Variants in BAIAP2 observed in about 807,000 individuals in gnomAD.
The protein encoded by BAIAP2 is BAR/IMD domain-containing adapter protein 2.
Under a neutral mutation model 63.0 loss-of-function variants are expected in BAIAP2, and 18 were observed. The observed-to-expected ratio is 0.29, with a 90% confidence interval of 0.20 to 0.42. The LOEUF is 0.42. BAIAP2 is among the 10% of genes least tolerant of loss of function. The pLI, the probability that BAIAP2 is intolerant of heterozygous loss-of-function variation, is 1.00. For missense variants in BAIAP2, 610 were observed against 734.3 expected (o/e 0.83, Z 1.96); for synonymous variants, 386 against 307.6 (o/e 1.25, Z -2.67).
intron 6 of BAIAP2, among the ~76,000 whole-genome samples, chr17:81,091,218 T>G (rs1319588144): frequency 5.5e-5 from 2 of 36,552 alleles, no homozygotes; most frequent in Non-Finnish European, 5.8e-5. Context: ...CCCACAGGCC[T>G]CCTAGCTGTC....
rs75811882 is a variant in BAIAP2 at position 81,072,193 on chromosome 17, G to C, written c.218-12639G>C. ...TCTGCATTCCACCTGCCCAAGGGCT[G>C]CCACTCCCTTTTCCCAGATGGCTGG... On this transcript the variant is annotated intron_variant, in intron 3 of 13. Transcript: ENST00000428708. Among the ~76,000 whole-genome samples, 444 of 152,344 alleles carry C rather than the reference G, an allele frequency of 2.9e-3. 1 individual carries two copies. Among genetic ancestry groups the C allele is most frequent in the African/African-American group, 0.01 (424 of 41,594 alleles).
intron 2 of BAIAP2, among the ~76,000 whole-genome samples, chr17:81,054,242 CTTGGGGTGGGAG>C: frequency 2.0e-5 from 1 of 51,042 alleles, no homozygotes; most frequent in African/African-American, 8.9e-5. Context: ...GCCCGGGCCC[CTTGGGGTGGGAG>C]CTGCCTCCTG....
intron 1 of BAIAP2, among the ~76,000 whole-genome samples, chr17:81,037,754 C>T (rs1041742210): frequency 6.6e-6 from 1 of 152,236 alleles, no homozygotes; most frequent in Non-Finnish European, 1.5e-5. Flanking sequence ...CGATGCGGCT[C>T]AGCTGTTTGG....
intron 1 of BAIAP2, among the ~76,000 whole-genome samples, chr17:81,051,657 G>A (rs59004510): frequency 0.061 from 9,219 of 152,150 alleles, 448 homozygotes; most frequent in African/African-American, 0.13. Flanking sequence ...CTCCCAAAGC[G>A]TTGGGATTAC....
At chr17:81,079,344 G>A (rs1310612019) in intron 3 of BAIAP2, among the ~76,000 whole-genome samples, 2 of 152,216 alleles carry the variant, frequency 1.3e-5, no homozygotes, top group Non-Finnish European at 2.9e-5. Flanking sequence ...CGTCTGAGGT[G>A]GAGGTAGAGC....
intron 6 of BAIAP2, among the ~76,000 whole-genome samples, chr17:81,087,317 G>T (rs936924610): frequency 4.6e-5 from 7 of 152,218 alleles, no homozygotes; most frequent in East Asian, 1.9e-4. Context: ...CCTCCAGGCC[G>T]CACCCTTCCT....
intron 6 of BAIAP2, chr17:81,097,830 G>GA: frequency 3.2e-6 from 1 of 314,300 alleles, no homozygotes; most frequent in Non-Finnish European, 5.8e-6. Flanking sequence ...TGTCCCTGGG[G>GA]ACAGGGTCTG....
chr17:81,036,657 T>G (rs1226895142), intron 1 of BAIAP2, among the ~76,000 whole-genome samples: 2 of 152,178 alleles, frequency 1.3e-5, no homozygotes, highest in African/African-American at 4.8e-5. Flanking sequence ...TAAAGCCACG[T>G]CGGAGCCACT....
Position 81,106,067 on chromosome 17 carries a change from C to G in BAIAP2, c.1269-11C>G, listed in dbSNP as rs747197245. 5 of 1,569,500 alleles carry G rather than the reference C, an allele frequency of 3.2e-6. No homozygotes were observed. Among genetic ancestry groups the G allele is most frequent in the African/African-American group, 1.3e-5 (1 of 74,232 alleles). Reference sequence around the variant, plus strand: ...GCTGAGCGTGGCTCTTACCTGGGGCCTCTCTTCCAGGCGGGGCTGGTTTCC... The same window carrying G: ...GCTGAGCGTGGCTCTTACCTGGGGCGTCTCTTCCAGGCGGGGCTGGTTTCC... On this transcript the variant is annotated splice_polypyrimidine_tract_variant and intron_variant, in intron 10 of 13. Coordinates refer to ENST00000428708, the MANE Select transcript of BAIAP2 (RefSeq NM_001144888.2).
chr17:81,058,034 C>T, intron 3 of BAIAP2, 67 bp downstream of exon 3: 1 of 1,162,518 alleles, frequency 8.6e-7, no homozygotes, highest in Non-Finnish European at 1.2e-6. Context: ...GGGGCCCTGT[C>T]CTGTGTCCAG....
At chr17:81,057,675 G>A (rs1241580926) in intron 2 of BAIAP2, 15 of 1,370,902 alleles carry the variant, frequency 1.1e-5, no homozygotes, top group African/African-American at 1.0e-4. Context: ...CGAGTCAAGG[G>A]AGCTCTCATG....
At chr17:81,053,440 AC>A in intron 1 of BAIAP2, 1 of 568,030 alleles carries the variant, frequency 1.8e-6, no homozygotes, top group Non-Finnish European at 3.1e-6. Context: ...GTTTCTTCTT[AC>A]CCCCTTTGCA....
intron 1 of BAIAP2, among the ~76,000 whole-genome samples, chr17:81,052,022 G>A (rs1398035106): frequency 1.3e-5 from 2 of 152,212 alleles, no homozygotes; most frequent in African/African-American, 2.4e-5. Context: ...CTGGCCCATC[G>A]TTCTGCTCAG....
chr17:81,107,007 G>C, intron 12 of BAIAP2, 100 bp downstream of exon 12: 2 of 1,363,694 alleles, frequency 1.5e-6, no homozygotes, highest in Admixed American at 2.9e-5. Context: ...CGGGGCGCCT[G>C]GGGGTCTGGG....
chr17:81,071,638 A>G (rs1237039473), intron 3 of BAIAP2, among the ~76,000 whole-genome samples: 1 of 152,222 alleles, frequency 6.6e-6, no homozygotes, highest in Non-Finnish European at 1.5e-5. Context: ...CTGGCCAAAA[A>G]GAGCACCCTG....
chr17:81,062,912 TC>T (rs1310494445), intron 3 of BAIAP2, among the ~76,000 whole-genome samples: 7 of 132,560 alleles, frequency 5.3e-5, no homozygotes, highest in East Asian at 5.1e-4. Flanking sequence ...GAGTGTTACT[TC>T]CCCCCCGCCC....
chr17:81,078,204 G>T (rs2054004748), intron 3 of BAIAP2, among the ~76,000 whole-genome samples: 1 of 131,022 alleles, frequency 7.6e-6, no homozygotes, highest in Non-Finnish European at 1.7e-5. Context: ...GATGCTGTGG[G>T]TGCAGGTTCC....
At chr17:81,072,645 A>G (rs1477464368) in intron 3 of BAIAP2, among the ~76,000 whole-genome samples, 2 of 152,048 alleles carry the variant, frequency 1.3e-5, no homozygotes, top group East Asian at 1.9e-4. Context: ...GGGGTCTTCA[A>G]CCTTTGCAGA....
In BAIAP2 at chr17:81,035,181, G is replaced by C. The variant is rs911886099; in HGVS notation, c.-74G>C. 12 of 1,287,022 alleles carry C rather than the reference G, an allele frequency of 9.3e-6. No homozygotes were observed. The African/African-American group carries it at 9.4e-5, about 10-fold the overall frequency. The allele number at this position is 1,287,022 out of a possible 1,614,324, so 79.7% of individuals were successfully genotyped here. On this transcript the variant is annotated 5_prime_UTR_variant, in exon 1 of 14. Transcript: ENST00000428708. ...TCGGGTCCGCTTTCGTCTCCGTCCTGCTGCCGTTACCGCCGCTGCTGCCGC... is the reference window on the plus strand; with the variant it reads ...TCGGGTCCGCTTTCGTCTCCGTCCTCCTGCCGTTACCGCCGCTGCTGCCGC...
Sources: allele counts gnomAD v4.1 joint callset (sites outside exome capture counted in the v4.1 genomes callset), GRCh38; gene constraint gnomAD v4.1.1; transcripts MANE v1.5; gene names NCBI Gene and HGNC (gene_info 2026-07-23, HGNC 2026-07-21).